The following CRACD variants were observed in gnomAD, a reference collection of about 807,000 sequenced individuals.
The protein encoded by CRACD is capping protein inhibiting regulator of actin dynamics, also known as capping protein-inhibiting regulator of actin dynamics.
A neutral mutation model predicts 106.8 loss-of-function variants in CRACD; 56 were observed. The observed-to-expected ratio is 0.52, with a 90% CI of 0.42 to 0.66. CRACD has a LOEUF of 0.66. CRACD is among the 30% of genes least tolerant of loss of function. The pLI, the probability that CRACD is intolerant of heterozygous loss-of-function variation, is 0.00. For synonymous variants in CRACD, 754 were observed against 670.8 expected (o/e 1.12, Z -1.92); for missense variants, 1,730 against 1,623.2 (o/e 1.07, Z -1.13).
At chr4:56,117,961 G>A (rs1416856396) in intron 1 of CRACD, among the ~76,000 whole-genome samples, 1 of 152,044 alleles carries the variant, frequency 6.6e-6, no homozygotes, top group African/African-American at 2.4e-5. Context: ...GTTTCACCAT[G>A]TTATCCAGGC....
chr4:56,134,698 T>G (rs1004118918), intron 1 of CRACD, among the ~76,000 whole-genome samples: 4 of 152,184 alleles, frequency 2.6e-5, no homozygotes, highest in Non-Finnish European at 4.4e-5. Context: ...GAGGTTATTA[T>G]AGGCAAAGCC....
chr4:56,311,654 A>G (rs1036428360), intron 6 of CRACD: 1 of 152,240 alleles, frequency 6.6e-6, no homozygotes, highest in African/African-American at 2.4e-5. Context: ...TATACTGAGC[A>G]TCCATTTTGC....
intron 2 of CRACD, among the ~76,000 whole-genome samples, chr4:56,188,396 G>T (rs73155186): frequency 0.075 from 11,365 of 151,936 alleles, 600 homozygotes; most frequent in African/African-American, 0.15. Flanking sequence ...ACTACTTAGT[G>T]CTTGAGTTGG....
intron 2 of CRACD, among the ~76,000 whole-genome samples, chr4:56,189,060 G>C (rs76803789): frequency 0.012 from 1,792 of 152,202 alleles, 27 homozygotes; most frequent in African/African-American, 0.04. Flanking sequence ...GCATGCATCT[G>C]TAGTCCCAGT....
chr4:56,312,708 G>A (rs896814026), intron 6 of CRACD, among the ~76,000 whole-genome samples: 2 of 152,140 alleles, frequency 1.3e-5, no homozygotes, highest in African/African-American at 4.8e-5. Context: ...TAGCACAGAG[G>A]TGATCTAGGC....
Position 56,205,547 on chromosome 4 carries a change from C to T in CRACD, c.-189+26117C>T, listed in dbSNP as rs11937035. Among the ~76,000 whole-genome samples the T allele has an allele frequency of 7.5e-3, 1,139 of 151,872 alleles. 17 individuals carry two copies. Among genetic ancestry groups the T allele is most frequent in the African/African-American group, 0.026 (1,075 of 41,396 alleles). On this transcript the variant is annotated intron_variant, in intron 2 of 10. Transcript: ENST00000682029. The stretch of plus-strand genomic sequence containing the variant: ...TTTTTTGTATGTGTGTGTGTAAGTA[C>T]AAACATGCATATATGTGTGTGTGTG...
intron 2 of CRACD, among the ~76,000 whole-genome samples, chr4:56,255,436 A>G (rs1443447244): frequency 1.3e-5 from 2 of 152,066 alleles, no homozygotes; most frequent in African/African-American, 2.4e-5. Context: ...TGAAATTTTT[A>G]ACAGTTCATG....
rs763603717 is a variant in CRACD, at chr4:56,324,269, A to G, written c.3541+3A>G. On this transcript the variant is annotated splice_donor_region_variant and intron_variant, in intron 10 of 10. Transcript: ENST00000682029. The stretch of plus-strand genomic sequence containing the variant: ...TACTCTTCCTACGTCTGTGACAGGT[A>G]GAGAGCAGGTCCATTGCTTTGTAAC... The G allele has an allele frequency of 6.2e-7, 1 of 1,612,048 alleles. No homozygotes were observed. The highest frequency in any genetic ancestry group is 1.7e-5 in the Admixed American group (1 of 59,812).
chr4:56,318,258 G>A (rs1364604428), intron 8 of CRACD, among the ~76,000 whole-genome samples: 2 of 152,048 alleles, frequency 1.3e-5, no homozygotes, highest in Admixed American at 6.5e-5. Flanking sequence ...AAGCCTCCTC[G>A]TAGGTGGGAC....
intron 1 of CRACD, among the ~76,000 whole-genome samples, chr4:56,094,948 A>T (rs1276495784): frequency 6.6e-6 from 1 of 152,188 alleles, no homozygotes; most frequent in Non-Finnish European, 1.5e-5. Context: ...CTATTTCAAG[A>T]TATAGATTAT....
Position 56,272,390 on chromosome 4 carries a change from C to G in CRACD, c.-119C>G, listed in dbSNP as rs1244288727. On this transcript the variant is annotated 5_prime_UTR_variant, in exon 3 of 11. Transcript: ENST00000682029. ...GGCAAAAGGAAAAAGAAAGACCCTT[C>G]GTTGTTCCGGGTGCCGTCGTTGGGG... 1 of 152,728 alleles carries G rather than the reference C, an allele frequency of 6.5e-6. No homozygotes were observed. Among genetic ancestry groups the G allele is most frequent in the Non-Finnish European group, 1.5e-5 (1 of 68,068 alleles). 9.5% of individuals were successfully genotyped at this position (152,728 alleles called of 1,614,324 possible). A position where few individuals can be genotyped will look rare whatever the true frequency, so the allele number is the denominator to read the frequency against.
intron 1 of CRACD, among the ~76,000 whole-genome samples, chr4:56,057,495 G>A (rs369605244): frequency 6.6e-6 from 1 of 152,154 alleles, no homozygotes; most frequent in Non-Finnish European, 1.5e-5. Flanking sequence ...ACCTTCCTCT[G>A]TAGGTCAGAG....
Position 56,049,266 on chromosome 4 carries a change from C to G in CRACD, c.-369C>G, listed in dbSNP as rs901924353. ...GGGACCGCCGGTCGCCGGCCAGCCG[C>G]TCTGCCAGCCGGAGCGCCAGGCGGG... On this transcript the variant is annotated 5_prime_UTR_variant, in exon 1 of 11. Transcript: ENST00000682029. 6.6e-6 allele frequency: 1 copy of G among 151,292 alleles called. No individual in the cohort carries two copies. Among genetic ancestry groups the G allele is most frequent in the South Asian group, 2.1e-4 (1 of 4,838 alleles). 9.4% of individuals were successfully genotyped at this position (151,292 alleles called of 1,614,324 possible).
intron 2 of CRACD, among the ~76,000 whole-genome samples, chr4:56,209,330 A>C (rs1738285632): frequency 6.6e-6 from 1 of 152,166 alleles, no homozygotes; most frequent in Non-Finnish European, 1.5e-5. Context: ...ACAAACTTCA[A>C]ACTAGGCAAC....
chr4:56,247,723 A>C (rs1352884491), intron 2 of CRACD, among the ~76,000 whole-genome samples: 4 of 152,056 alleles, frequency 2.6e-5, no homozygotes, highest in Non-Finnish European at 4.4e-5. Context: ...ATGTATGCCT[A>C]TAATCCCAGC....
chr4:56,232,700 CTTTA>C lies in CRACD; in HGVS notation c.-188-39585_-188-39582del, dbSNP rs71666123. On this transcript the variant is annotated intron_variant, in intron 2 of 10. Transcript: ENST00000682029. ...TAGCACTATAGTTTAAAACATGTAT[CTTTA>C]TTTATTTATTTATTTATTTATTTAT... 9.6e-3 allele frequency among the ~76,000 whole-genome samples: 1,359 copies of C among 141,628 alleles called. 17 individuals are homozygous for C. Among genetic ancestry groups the C allele is most frequent in the African/African-American group, 0.012 (470 of 38,324 alleles). The allele number at this position is 141,628 out of a possible 152,430, so 92.9% of individuals were successfully genotyped here. A position where few individuals can be genotyped will look rare whatever the true frequency, so the allele number is the denominator to read the frequency against.
chr4:56,061,903 A>G (rs1378260289), intron 1 of CRACD, among the ~76,000 whole-genome samples: 1 of 152,216 alleles, frequency 6.6e-6, no homozygotes, highest in Non-Finnish European at 1.5e-5. Context: ...CAGTTTCCAA[A>G]TAGATGTAGT....
intron 1 of CRACD, among the ~76,000 whole-genome samples, chr4:56,071,653 A>C (rs1184103347): frequency 1.3e-5 from 2 of 151,750 alleles, no homozygotes; most frequent in African/African-American, 4.8e-5. Context: ...GGTATTACAG[A>C]TGTGTGCCAC....
chr4:56,321,192 ATTC>A lies in CRACD; in HGVS notation c.3188-2177_3188-2175del, dbSNP rs527970560. Reference sequence around the variant, plus strand: ...GCAGTTGTGGAGGATAAACGGTTTTATTCTTCTTCTCCCATTTTTGAGAAGTGT... The same window carrying A: ...GCAGTTGTGGAGGATAAACGGTTTTATTCTTCTCCCATTTTTGAGAAGTGT... On this transcript the variant is annotated intron_variant, in intron 8 of 10. Transcript: ENST00000682029. The A allele has an allele frequency of 1.9e-3, 535 of 274,928 alleles. 1 individual carries two copies. Among genetic ancestry groups the A allele is most frequent in the Non-Finnish European group, 3.0e-3 (413 of 138,104 alleles). The allele number at this position is 274,928 out of a possible 1,614,324, so 17.0% of individuals were successfully genotyped here. A position where few individuals can be genotyped will look rare whatever the true frequency, so the allele number is the denominator to read the frequency against.
Sources: allele counts gnomAD v4.1 joint callset (sites outside exome capture counted in the v4.1 genomes callset), GRCh38; gene constraint gnomAD v4.1.1; transcripts MANE v1.5; gene names NCBI Gene and HGNC (gene_info 2026-07-23, HGNC 2026-07-21).